Variants in TMOD2 observed in about 807,000 individuals in gnomAD.
The protein encoded by TMOD2 is tropomodulin 2, also known as tropomodulin-2.
TMOD2 carries 22 observed loss-of-function variants against 39.9 expected under a neutral mutation model. The ratio of observed to expected loss-of-function variants is 0.55; its 90% CI spans 0.39 to 0.79. TMOD2 has a LOEUF of 0.79. Ranked by LOEUF, TMOD2 falls within the 30% of genes least tolerant of loss-of-function variation. The probability of loss-of-function intolerance (pLI) is 0.00; values close to 1 mark genes in which losing one functional copy is unlikely to be tolerated. For synonymous variants in TMOD2, 123 were observed against 146.1 expected, an observed-to-expected ratio of 0.84 and a Z score of 1.14; for missense variants, 386 against 413.3, an observed-to-expected ratio of 0.93 and a Z score of 0.57.
Position 51,814,822 on chromosome 15 carries a change from C to G in TMOD2, c.*6368C>G, listed in dbSNP as rs929018271. On this transcript the variant is annotated 3_prime_UTR_variant, in exon 10 of 10. Coordinates refer to ENST00000249700, the MANE Select transcript of TMOD2 (RefSeq NM_014548.4). The stretch of plus-strand genomic sequence containing the variant: ...CTCTGAACATGGGTGAGTAATGCCT[C>G]CACTGCAGCTGTTTCTCTCCAGGAG... The G allele has an allele frequency of 1.4e-4, 21 of 152,250 alleles. No homozygotes were observed. Among genetic ancestry groups the G allele is most frequent in the Non-Finnish European group, 3.1e-4 (21 of 68,072 alleles). 9.4% of individuals were successfully genotyped at this position (152,250 alleles called of 1,614,324 possible). A position where few individuals can be genotyped will look rare whatever the true frequency, so the allele number is the denominator to read the frequency against.
chr15:51,758,858 C>T (rs1356695601), intron 1 of TMOD2, among the ~76,000 whole-genome samples: 1 of 151,974 alleles, frequency 6.6e-6, no homozygotes, highest in Non-Finnish European at 1.5e-5. Context: ...GCAGAGAGAA[C>T]AACATAAGGC....
chr15:51,808,051 T>C (rs939010249), intron 9 of TMOD2, among the ~76,000 whole-genome samples: 1 of 152,210 alleles, frequency 6.6e-6, no homozygotes, highest in Non-Finnish European at 1.5e-5. Context: ...AAGATTGTGA[T>C]TGTGTTAACC....
chr15:51,801,220 C>G (rs983562351), intron 8 of TMOD2, among the ~76,000 whole-genome samples: 3 of 71,798 alleles, frequency 4.2e-5, no homozygotes, highest in African/African-American at 1.5e-4. Context: ...CTCTCTCCCT[C>G]TCTCTCTCTC....
chr15:51,784,006 C>A (rs2055951899), intron 7 of TMOD2: 1 of 152,194 alleles, frequency 6.6e-6, no homozygotes, highest in South Asian at 2.1e-4. Context: ...GCTTTCCATG[C>A]AGCATCTCAT....
In TMOD2 at chr15:51,796,123, C is replaced by G. The variant is rs759659384; in HGVS notation, c.733-2074C>G. Among the ~76,000 whole-genome samples, 19 of 151,984 alleles carry G rather than the reference C, an allele frequency of 1.3e-4. No individual in the cohort carries two copies. The Middle Eastern group carries it at 0.01, about 82-fold the overall frequency. On this transcript the variant is annotated intron_variant, in intron 7 of 9. Coordinates refer to ENST00000249700, the MANE Select transcript of TMOD2 (RefSeq NM_014548.4). ...GGAGAGCAAGGTTGGTTTGTATAATCCAGGATCATTTCTCCTGCAGTTGTA... is the reference window on the plus strand; with the variant it reads ...GGAGAGCAAGGTTGGTTTGTATAATGCAGGATCATTTCTCCTGCAGTTGTA...
chr15:51,784,791 A>G (rs2055956965), intron 7 of TMOD2: 1 of 152,178 alleles, frequency 6.6e-6, no homozygotes, highest in Non-Finnish European at 1.5e-5. Context: ...TTCACAATAT[A>G]CTTTGTATGT....
chr15:51,765,508 G>A (rs1245783372), intron 1 of TMOD2, among the ~76,000 whole-genome samples: 1 of 152,174 alleles, frequency 6.6e-6, no homozygotes, highest in Non-Finnish European at 1.5e-5. Context: ...GTGATTGGTG[G>A]TAATACCTCC....
chr15:51,768,963 G>T (rs561037904), intron 3 of TMOD2, among the ~76,000 whole-genome samples: 2 of 152,352 alleles, frequency 1.3e-5, no homozygotes, highest in East Asian at 3.9e-4. Flanking sequence ...CATAAGATGT[G>T]TAACACCAAG....
intron 1 of TMOD2, among the ~76,000 whole-genome samples, chr15:51,754,674 T>C (rs1217186410): frequency 6.6e-6 from 1 of 152,252 alleles, no homozygotes; most frequent in South Asian, 2.1e-4. Context: ...AGAATGTTAA[T>C]GGGTTACAAG....
intron 8 of TMOD2, among the ~76,000 whole-genome samples, chr15:51,803,001 G>A (rs2056099733): frequency 1.3e-5 from 2 of 151,912 alleles, no homozygotes; most frequent in South Asian, 2.1e-4. Context: ...AATTTAAAAG[G>A]TATATATTTT....
At chr15:51,777,073 T>C (rs752989219) in intron 5 of TMOD2, 55 bp downstream of exon 5, 8 of 1,499,998 alleles carry the variant, frequency 5.3e-6, no homozygotes, top group Non-Finnish European at 7.4e-6. Context: ...CCAGAGTTGC[T>C]GGTAGGAGAG....
chr15:51,785,151 G>A lies in TMOD2; in HGVS notation c.732+2323G>A, dbSNP rs570706345. 1.1e-3 allele frequency among the ~76,000 whole-genome samples: 169 copies of A among 152,198 alleles called. 1 individual carries two copies. The highest frequency in any genetic ancestry group is 4.0e-3 in the African/African-American group (167 of 41,528). On this transcript the variant is annotated intron_variant, in intron 7 of 9. Coordinates refer to ENST00000249700, the MANE Select transcript of TMOD2 (RefSeq NM_014548.4). ...ATTTGGGCCGGGCGCGGTGGCTCAC[G>A]CCTGTAATCCCAGCACTTTGGGAGG...
intron 5 of TMOD2, among the ~76,000 whole-genome samples, chr15:51,779,111 A>C (rs928226587): frequency 2.0e-5 from 3 of 152,142 alleles, no homozygotes; most frequent in African/African-American, 7.2e-5. Context: ...GCATGCCACC[A>C]CACTCAGTTA....
At chr15:51,754,901 A>C (rs534096372) in intron 1 of TMOD2, among the ~76,000 whole-genome samples, 1 of 152,250 alleles carries the variant, frequency 6.6e-6, no homozygotes, top group African/African-American at 2.4e-5. Context: ...GTTACATGGA[A>C]CCACCTTTGA....
rs576817231 is a variant in TMOD2 at position 51,795,553 on chromosome 15, T to G, written c.733-2644T>G. Among the ~76,000 whole-genome samples the G allele has an allele frequency of 5.9e-5, 9 of 151,682 alleles. No individual in the cohort carries two copies. In the East Asian group the frequency reaches 1.7e-3, roughly 29 times the overall value. On this transcript the variant is annotated intron_variant, in intron 7 of 9. Transcript: ENST00000249700. Reference sequence around the variant, plus strand: ...TTTTTCTCCTTAATTATTTGATAACTTCTTCTCTTCTGCTTGCTTGCTTGC... The same window carrying G: ...TTTTTCTCCTTAATTATTTGATAACGTCTTCTCTTCTGCTTGCTTGCTTGC...
intron 5 of TMOD2, 122 bp from the exon 6 acceptor site, chr15:51,780,922 T>G (rs186759944): frequency 2.7e-6 from 2 of 745,316 alleles, no homozygotes; most frequent in Admixed American, 6.1e-5. Flanking sequence ...ATACACCTAC[T>G]GTCATTGCTA....
chr15:51,814,030 G>A lies in TMOD2; in HGVS notation c.*5576G>A, dbSNP rs2056173846. 2 of 152,346 alleles carry A rather than the reference G, an allele frequency of 1.3e-5. No homozygotes were observed. The highest frequency in any genetic ancestry group is 6.5e-5 in the Admixed American group (1 of 15,300). 9.4% of individuals were successfully genotyped at this position (152,346 alleles called of 1,614,324 possible). The stretch of plus-strand genomic sequence containing the variant: ...GGGAGAGGTGGTTGATGGGGCAGTG[G>A]AAGTTAGATACCAGCGATGTATATG... On this transcript the variant is annotated 3_prime_UTR_variant, in exon 10 of 10. Transcript: ENST00000249700.
At chr15:51,758,189 C>T (rs1595860480) in intron 1 of TMOD2, among the ~76,000 whole-genome samples, 1 of 152,000 alleles carries the variant, frequency 6.6e-6, no homozygotes, top group Non-Finnish European at 1.5e-5. Context: ...TTTGAGATCC[C>T]CTGGTACATT....
At chr15:51,799,499 A>C (rs2056074426) in intron 8 of TMOD2, among the ~76,000 whole-genome samples, 1 of 145,540 alleles carries the variant, frequency 6.9e-6, no homozygotes, top group Admixed American at 7.1e-5. Context: ...TGGACTAATG[A>C]TGTTTGTTGC....
Sources: allele counts gnomAD v4.1 joint callset (sites outside exome capture counted in the v4.1 genomes callset), GRCh38; gene constraint gnomAD v4.1.1; transcripts MANE v1.5; gene names NCBI Gene and HGNC (gene_info 2026-07-23, HGNC 2026-07-21).